RSRC1: variants seen among roughly 807,000 people sequenced by gnomAD.
RSRC1 encodes arginine and serine rich coiled-coil 1, also known as serine/Arginine-related protein 53.
Under a neutral mutation model 49.1 loss-of-function variants are expected in RSRC1, and 39 were observed. That is an observed-to-expected ratio of 0.79 (90% CI 0.61 to 1.04). RSRC1 has a LOEUF of 1.04. Ranked by LOEUF, RSRC1 falls within the 50% of genes least tolerant of loss-of-function variation. The probability of loss-of-function intolerance (pLI) is 0.00; values close to 1 mark genes in which losing one functional copy is unlikely to be tolerated. For synonymous variants in RSRC1, 143 were observed against 130.8 expected, an observed-to-expected ratio of 1.09 and a Z score of -0.63; for missense variants, 388 against 402.4, an observed-to-expected ratio of 0.96 and a Z score of 0.31.
At chr3:158,355,250 A>T (rs532349703) in intron 6 of RSRC1, among the ~76,000 whole-genome samples, 80 of 151,858 alleles carry the variant, frequency 5.3e-4, no homozygotes, top group Non-Finnish European at 1.0e-3. Context: ...CCAGATTATG[A>T]TTTTTTTCTT....
chr3:158,215,298 G>GT lies in RSRC1; in HGVS notation c.494+12070dup, dbSNP rs34551128. 1.2e-3 allele frequency among the ~76,000 whole-genome samples: 152 copies of GT among 131,214 alleles called. 1 individual carries two copies. The highest frequency in any genetic ancestry group is 3.2e-3 in the South Asian group (13 of 4,088). The allele number at this position is 131,214 out of a possible 152,430, so 86.1% of individuals were successfully genotyped here. On this transcript the variant is annotated intron_variant, in intron 4 of 9. Transcript: ENST00000611884. ...GAGATGAGTTTCTTGCATATAGATA[G>GT]TTTTTTTTTTTTTTTTTGGGTAAAT...
At chr3:158,197,763 CA>C (rs1720729288) in intron 3 of RSRC1, among the ~76,000 whole-genome samples, 1 of 152,160 alleles carries the variant, frequency 6.6e-6, no homozygotes, top group Non-Finnish European at 1.5e-5. Context: ...AGTAGTCATT[CA>C]GGAGCAGGTT....
chr3:158,245,022 G>A (rs112589377), intron 4 of RSRC1, among the ~76,000 whole-genome samples: 1 of 65,188 alleles, frequency 1.5e-5, no homozygotes, highest in Admixed American at 1.5e-4. Flanking sequence ...TTTTTTTTCT[G>A]TCTCTGTCTC....
At chr3:158,277,767 A>T (rs1041201746) in intron 4 of RSRC1, among the ~76,000 whole-genome samples, 1 of 152,184 alleles carries the variant, frequency 6.6e-6, no homozygotes, top group African/African-American at 2.4e-5. Context: ...GGTTGAGCTC[A>T]TTAAAATTTA....
chr3:158,409,973 A>G (rs991750625), intron 6 of RSRC1, among the ~76,000 whole-genome samples: 8 of 151,936 alleles, frequency 5.3e-5, no homozygotes, highest in African/African-American at 9.7e-5. Context: ...GTCATTTGAT[A>G]TAAGTGATAG....
intron 4 of RSRC1, among the ~76,000 whole-genome samples, chr3:158,215,694 C>T (rs73874335): frequency 0.077 from 11,649 of 151,704 alleles, 547 homozygotes; most frequent in South Asian, 0.13. Context: ...TTATAATACA[C>T]GTACTTAATT....
intron 7 of RSRC1, among the ~76,000 whole-genome samples, chr3:158,525,742 C>G (rs1302968607): frequency 6.6e-6 from 1 of 151,904 alleles, no homozygotes; most frequent in Admixed American, 6.6e-5. Context: ...ATGTACCCAA[C>G]AACATGGATT....
At chr3:158,265,000 G>C (rs115454164) in intron 4 of RSRC1, among the ~76,000 whole-genome samples, 2,461 of 152,232 alleles carry the variant, frequency 0.016, 87 homozygotes, top group African/African-American at 0.057. Context: ...CTGTCTCTGT[G>C]CTGCTCTCTG....
chr3:158,234,246 A>G (rs969130662), intron 4 of RSRC1, among the ~76,000 whole-genome samples: 2 of 152,156 alleles, frequency 1.3e-5, no homozygotes, highest in Non-Finnish European at 2.9e-5. Context: ...AGCATATATT[A>G]TATTGTGGCT....
At chr3:158,441,277 T>G (rs917470861) in intron 6 of RSRC1, among the ~76,000 whole-genome samples, 1 of 152,104 alleles carries the variant, frequency 6.6e-6, no homozygotes, top group African/African-American at 2.4e-5. Context: ...TAGCAATATA[T>G]TGAGTACTAG....
rs555482312 is a variant in RSRC1, at chr3:158,529,971, G to A, written c.653-7121G>A. 5.0e-4 allele frequency among the ~76,000 whole-genome samples: 76 copies of A among 151,732 alleles called. 1 individual carries two copies. The highest frequency in any genetic ancestry group is 6.8e-3 in the Middle Eastern group (2 of 294). The stretch of plus-strand genomic sequence containing the variant: ...CTTGGTGGGTGGTAAAATTCAGCTG[G>A]GCCTTTTGTGCCTTCTCATAGATGT... On this transcript the variant is annotated intron_variant, in intron 7 of 9. Transcript: ENST00000611884.
intron 5 of RSRC1, among the ~76,000 whole-genome samples, chr3:158,320,933 G>C (rs1259851284): frequency 6.6e-6 from 1 of 152,122 alleles, no homozygotes; most frequent in Non-Finnish European, 1.5e-5. Context: ...AAATGAATGG[G>C]ATTTGGCAAG....
intron 7 of RSRC1, among the ~76,000 whole-genome samples, chr3:158,477,401 A>G (rs1252397033): frequency 6.6e-6 from 1 of 152,134 alleles, no homozygotes; most frequent in Non-Finnish European, 1.5e-5. Context: ...TAAAATGGCC[A>G]TAGCCACACT....
chr3:158,326,936 GTTCTTACT>G (rs1310975019), intron 5 of RSRC1, among the ~76,000 whole-genome samples: 2 of 152,074 alleles, frequency 1.3e-5, no homozygotes, highest in Non-Finnish European at 2.9e-5. Context: ...AGGGATTCAA[GTTCTTACT>G]GGTTTAGTCT....
intron 8 of RSRC1, among the ~76,000 whole-genome samples, chr3:158,537,954 T>A (rs1208628604): frequency 6.6e-6 from 1 of 151,798 alleles, no homozygotes; most frequent in Non-Finnish European, 1.5e-5. Context: ...GTTTATTATC[T>A]TTTTAAAATA....
At chr3:158,285,888 C>T (rs531335482) in intron 4 of RSRC1, among the ~76,000 whole-genome samples, 22 of 152,254 alleles carry the variant, frequency 1.4e-4, no homozygotes, top group South Asian at 4.1e-4. Context: ...CTTTATTTCC[C>T]TCTCCTGCCT....
chr3:158,119,567 TATTATC>T, intron 1 of RSRC1, among the ~76,000 whole-genome samples: 1 of 151,998 alleles, frequency 6.6e-6, no homozygotes, highest in African/African-American at 2.4e-5. Context: ...GAAATGAAAT[TATTATC>T]ATTCAATTGT....
chr3:158,406,544 CT>C (rs1284525501), intron 6 of RSRC1, among the ~76,000 whole-genome samples: 1 of 152,008 alleles, frequency 6.6e-6, no homozygotes, highest in Non-Finnish European at 1.5e-5. Context: ...ACCTGGTACC[CT>C]ATGAAGCCCT....
chr3:158,469,050 G>A (rs1311827242), intron 7 of RSRC1, among the ~76,000 whole-genome samples: 1 of 152,042 alleles, frequency 6.6e-6, no homozygotes, highest in Non-Finnish European at 1.5e-5. Context: ...TTATATGAAG[G>A]AGAGAATATA....
Sources: gnomAD v4.1 joint callset for allele counts (sites outside exome capture counted in the v4.1 genomes callset) on GRCh38, gnomAD v4.1.1 for gene constraint, MANE v1.5 for transcripts, NCBI Gene and HGNC (gene_info 2026-07-23, HGNC 2026-07-21) for gene names.